Variants in TUSC3 observed in about 807,000 individuals in gnomAD.
The protein encoded by TUSC3 is tumor suppressor candidate 3.
A neutral mutation model predicts 44.8 loss-of-function variants in TUSC3; 45 were observed. The observed-to-expected ratio is 1.00, with a 90% confidence interval of 0.79 to 1.29. TUSC3 has a LOEUF of 1.29. Ranked by LOEUF, TUSC3 falls within the 50% of genes most tolerant of loss-of-function variation. TUSC3 has a pLI of 0.00. For synonymous variants in TUSC3, 212 were observed against 152.9 expected (o/e 1.39, Z -2.85); for missense variants, 519 against 437.9 (o/e 1.19, Z -1.65).
At chr8:15,614,845 C>T (rs1236095892) in intron 1 of TUSC3, among the ~76,000 whole-genome samples, 4 of 150,838 alleles carry the variant, frequency 2.7e-5, no homozygotes, top group Non-Finnish European at 5.9e-5. Flanking sequence ...ATGAAACAGA[C>T]TCCTTGGGTT....
chr8:15,491,657 C>T (rs538491680), intron 2 of TUSC3, among the ~76,000 whole-genome samples: 1 of 152,296 alleles, frequency 6.6e-6, no homozygotes, highest in African/African-American at 2.4e-5. Context: ...AATATTCTTT[C>T]TCCAGCTGAT....
At chr8:15,822,339 T>A in the TUSC3 span, among the ~76,000 whole-genome samples, 1 of 152,102 alleles carries the variant, frequency 6.6e-6, no homozygotes, top group African/African-American at 2.4e-5. Flanking sequence ...AAAATAGAGT[T>A]TGCACTTTAC....
At chr8:15,496,703 T>C (rs1411669143) in intron 2 of TUSC3, among the ~76,000 whole-genome samples, 4 of 152,172 alleles carry the variant, frequency 2.6e-5, no homozygotes, top group East Asian at 1.9e-4. Context: ...AAGAAGCATC[T>C]ACATCACCTC....
intron 1 of TUSC3, among the ~76,000 whole-genome samples, chr8:15,612,634 A>G (rs73665457): frequency 6.6e-5 from 10 of 152,338 alleles, no homozygotes; most frequent in African/African-American, 2.2e-4. Context: ...AGGAAAAAAT[A>G]TAAGAAAGAG....
chr8:15,458,089 G>A (rs117296777), intron 1 of TUSC3, among the ~76,000 whole-genome samples: 2,429 of 152,064 alleles, frequency 0.016, 31 homozygotes, highest in Non-Finnish European at 0.024. Flanking sequence ...CAACAGGAAA[G>A]CAATGAAATG....
intron 6 of TUSC3, chr8:15,689,521 G>T: frequency 6.0e-6 from 1 of 167,948 alleles, no homozygotes; most frequent in South Asian, 1.2e-4. Context: ...GGATCCCCAG[G>T]GGTGCCAGCA....
intron 6 of TUSC3, among the ~76,000 whole-genome samples, chr8:15,712,189 C>T (rs1447038243): frequency 1.3e-5 from 2 of 151,872 alleles, no homozygotes; most frequent in Non-Finnish European, 2.9e-5. Context: ...ATTAGAGGCT[C>T]TTAGAGGACT....
chr8:15,667,569 T>C (rs1807725180), intron 5 of TUSC3, among the ~76,000 whole-genome samples: 1 of 151,768 alleles, frequency 6.6e-6, no homozygotes, highest in South Asian at 2.1e-4. Context: ...GTATAGAATA[T>C]TACATATTTT....
At chr8:15,605,399 A>G (rs1367718866) in intron 1 of TUSC3, among the ~76,000 whole-genome samples, 1 of 151,982 alleles carries the variant, frequency 6.6e-6, no homozygotes, top group African/African-American at 2.4e-5. Context: ...CATGATTCAT[A>G]AAGTAAAAAT....
chr8:15,753,611 T>G (rs1179080456), intron 9 of TUSC3, among the ~76,000 whole-genome samples: 1 of 152,112 alleles, frequency 6.6e-6, no homozygotes, highest in Non-Finnish European at 1.5e-5. Flanking sequence ...TAATATATTT[T>G]ACTTGGAGTC....
chr8:15,764,083 A>C, intron 10 of TUSC3, 120 bp from the exon 11 acceptor site: 1 of 1,046,740 alleles, frequency 9.6e-7, no homozygotes. Flanking sequence ...CAATTAGTTG[A>C]ATACAATTAT....
chr8:15,463,394 G>T (rs934367904), intron 1 of TUSC3, among the ~76,000 whole-genome samples: 3 of 151,824 alleles, frequency 2.0e-5, no homozygotes, highest in Admixed American at 6.6e-5. Flanking sequence ...CATAAACATG[G>T]GAAAATTATT....
intron 10 of TUSC3, among the ~76,000 whole-genome samples, chr8:15,761,390 G>A (rs968477408): frequency 5.9e-5 from 9 of 152,288 alleles, no homozygotes; most frequent in Middle Eastern, 3.4e-3. Flanking sequence ...AGACTAGAAA[G>A]GAATGGTTGC....
chr8:15,581,910 C>G (rs1402831945), intron 1 of TUSC3, among the ~76,000 whole-genome samples: 1,935 of 142,692 alleles, frequency 0.014, 51 homozygotes, highest in African/African-American at 0.05. Context: ...CCCCCAGCCT[C>G]GCTGCCGCCT....
chr8:15,512,053 C>T (rs1306940949), intron 2 of TUSC3, among the ~76,000 whole-genome samples: 2 of 152,070 alleles, frequency 1.3e-5, no homozygotes, highest in Admixed American at 1.3e-4. Flanking sequence ...CCTAGAAGAT[C>T]CAGAACACCT....
chr8:15,718,841 C>G (rs1331824267), intron 6 of TUSC3, among the ~76,000 whole-genome samples: 1 of 151,996 alleles, frequency 6.6e-6, no homozygotes, highest in East Asian at 1.9e-4. Flanking sequence ...TAAATCTTTA[C>G]TATACATCCT....
intron 1 of TUSC3, among the ~76,000 whole-genome samples, chr8:15,430,208 A>C (rs1799855024): frequency 6.8e-6 from 1 of 146,042 alleles, no homozygotes; most frequent in South Asian, 2.2e-4. Context: ...CCCTTGATGA[A>C]CATTGATGCA....
intron 7 of TUSC3, among the ~76,000 whole-genome samples, chr8:15,732,461 C>T (rs537555631): frequency 2.6e-5 from 4 of 152,152 alleles, no homozygotes; most frequent in South Asian, 2.1e-4. Context: ...ACTGTGAGTC[C>T]GTTAAACCTT....
chr8:15,565,414 T>C (rs1802628942), intron 1 of TUSC3, among the ~76,000 whole-genome samples: 1 of 152,112 alleles, frequency 6.6e-6, no homozygotes, highest in South Asian at 2.1e-4. Flanking sequence ...ATTAACCTGT[T>C]TCTTGGAATT....
Sources: gnomAD v4.1 joint callset for allele counts (sites outside exome capture counted in the v4.1 genomes callset) on GRCh38, gnomAD v4.1.1 for gene constraint, MANE v1.5 for transcripts, NCBI Gene and HGNC (gene_info 2026-07-23, HGNC 2026-07-21) for gene names.